Variants in MOB4 observed in about 807,000 individuals in gnomAD.
MOB4 encodes the protein MOB family member 4, phocein, also known as MOB-like protein phocein.
A neutral mutation model predicts 32.2 loss-of-function variants in MOB4; 4 were observed. The observed-to-expected ratio is 0.12, with a 90% CI of 0.06 to 0.28. MOB4 has a LOEUF of 0.28. Ranked by LOEUF, MOB4 falls within the 10% of genes least tolerant of loss-of-function variation. MOB4 has a pLI of 1.00. For synonymous variants in MOB4, 88 were observed against 88.1 expected, an observed-to-expected ratio of 1.00 and a Z score of 0.01; for missense variants, 158 against 271.2, an observed-to-expected ratio of 0.58 and a Z score of 2.93.
intron 5 of MOB4, among the ~76,000 whole-genome samples, chr2:197,544,149 T>C (rs1280514208): frequency 3.9e-5 from 6 of 152,168 alleles, no homozygotes; most frequent in Admixed American, 3.3e-4. Flanking sequence ...CTTGCCTCAC[T>C]GTAGCCCCCA....
chr2:197,515,861 G>A, upstream of MOB4: 1 of 541,748 alleles, frequency 1.8e-6, no homozygotes, highest in East Asian at 3.5e-5. Flanking sequence ...GCCTTCCGGT[G>A]CCTCAGTCCC....
At chr2:197,545,145 A>G (rs1391070598) in intron 5 of MOB4, among the ~76,000 whole-genome samples, 1 of 152,232 alleles carries the variant, frequency 6.6e-6, no homozygotes, top group Admixed American at 6.5e-5. Context: ...AATGGAAACA[A>G]CCAAATATCC....
At chr2:197,535,736 G>A in intron 3 of MOB4, 106 bp downstream of exon 3, 2 of 1,304,750 alleles carry the variant, frequency 1.5e-6, no homozygotes, top group South Asian at 2.8e-5. Context: ...AGACTAAGAA[G>A]CCAAATTTTA....
intron 1 of MOB4, 103 bp from the exon 2 acceptor site, chr2:197,523,521 G>GT (rs2086558226): frequency 8.4e-7 from 1 of 1,190,970 alleles, no homozygotes; most frequent in African/African-American, 1.6e-5. Flanking sequence ...CATTGCAAAA[G>GT]TTTTTTCTTC....
At chr2:197,541,387 G>A (rs2086892654) in intron 5 of MOB4, among the ~76,000 whole-genome samples, 2 of 152,110 alleles carry the variant, frequency 1.3e-5, no homozygotes, top group African/African-American at 4.8e-5. Flanking sequence ...GGGATATTGG[G>A]TTAGGCCAAT....
intron 2 of MOB4, among the ~76,000 whole-genome samples, chr2:197,530,295 G>T (rs1282293233): frequency 6.6e-6 from 1 of 150,468 alleles, no homozygotes; most frequent in Non-Finnish European, 1.5e-5. Flanking sequence ...TTGAGACAGG[G>T]TCTCACTCTG....
At chr2:197,540,468 A>C in intron 5 of MOB4, 31 bp downstream of exon 5, 1 of 1,533,646 alleles carries the variant, frequency 6.5e-7, no homozygotes, top group Non-Finnish European at 8.7e-7. Context: ...GTAACTAATA[A>C]AATTATTATA....
chr2:197,543,144 T>C (rs78573318), intron 5 of MOB4, among the ~76,000 whole-genome samples: 1 of 151,970 alleles, frequency 6.6e-6, no homozygotes, highest in Non-Finnish European at 1.5e-5. Flanking sequence ...ATACAAAAAA[T>C]TAGCTGAGTG....
rs1477036418 is a variant in MOB4, at chr2:197,551,246, A to G, written c.*600A>G. ...TACTGTGCTACATAAAGTATAACAT[A>G]CTTGGAAAGGATTTACCGTTCTGCA... On this transcript the variant is annotated 3_prime_UTR_variant, in exon 8 of 8. Transcript: ENST00000323303. The G allele has an allele frequency of 6.6e-6, 1 of 152,482 alleles. No individual in the cohort carries two copies. The highest frequency in any genetic ancestry group is 2.4e-5 in the African/African-American group (1 of 41,462). 9.4% of individuals were successfully genotyped at this position (152,482 alleles called of 1,614,324 possible).
chr2:197,528,616 C>CTTT (rs60927398), intron 2 of MOB4, among the ~76,000 whole-genome samples: 2 of 131,688 alleles, frequency 1.5e-5, no homozygotes, highest in African/African-American at 2.7e-5. Flanking sequence ...TTTTCTTTTT[C>CTTT]TTTTTTTTTT....
chr2:197,535,670 A>C (rs1574641866), intron 3 of MOB4, 40 bp downstream of exon 3: 1 of 1,570,600 alleles, frequency 6.4e-7, no homozygotes. Flanking sequence ...ACCTCTCACA[A>C]AACTAGCTTT....
intron 3 of MOB4, among the ~76,000 whole-genome samples, chr2:197,537,939 C>G (rs1240738248): frequency 6.6e-6 from 1 of 152,016 alleles, no homozygotes; most frequent in African/African-American, 2.4e-5. Flanking sequence ...GCCACCATGC[C>G]CAGCTAATTT....
At chr2:197,522,211 G>A (rs1276567466) in intron 1 of MOB4, among the ~76,000 whole-genome samples, 1 of 146,770 alleles carries the variant, frequency 6.8e-6, no homozygotes, top group Non-Finnish European at 1.5e-5. Context: ...GATTCTTTTA[G>A]TTTTTTTTAA....
intron 1 of MOB4, among the ~76,000 whole-genome samples, chr2:197,517,042 GAAACA>G (rs1300949872): frequency 6.6e-6 from 1 of 152,202 alleles, no homozygotes; most frequent in Non-Finnish European, 1.5e-5. Flanking sequence ...AATGAAAATT[GAAACA>G]AAACAATCGT....
intron 3 of MOB4, among the ~76,000 whole-genome samples, chr2:197,538,136 G>C (rs912070250): frequency 1.3e-5 from 2 of 149,528 alleles, no homozygotes; most frequent in Admixed American, 6.6e-5. Context: ...GTGTTACAAG[G>C]GTTTTTTTTT....
rs1423830194 is a variant in MOB4, at chr2:197,540,419, T to A, written c.336T>A (p.Ala112=). 1.9e-6 allele frequency: 3 copies of A among 1,588,426 alleles called. No homozygotes were observed. Among genetic ancestry groups the A allele is most frequent in the Non-Finnish European group, 1.7e-6 (2 of 1,171,380 alleles). ...ATEQWIFLCA[A]HKTPKECPAI... is the part of the protein sequence containing the mutation. ...AACAATGGATTTTTCTTTGTGCAGC[T>A]CATAAAACTCCAAAAGAGGTGAGGA... The change falls in exon 5 of 8, where the codon GCT becomes GCA. Residue 112 remains alanine, a synonymous_variant. Coordinates refer to ENST00000323303, the MANE Select transcript of MOB4 (RefSeq NM_015387.5).
At chr2:197,547,229 G>A (rs1274394486) in intron 5 of MOB4, among the ~76,000 whole-genome samples, 1 of 152,126 alleles carries the variant, frequency 6.6e-6, no homozygotes, top group Non-Finnish European at 1.5e-5. Context: ...GCCGTTGCTG[G>A]GAAAATCTGA....
At chr2:197,530,968 TTCAC>T (rs2086691245) in intron 2 of MOB4, among the ~76,000 whole-genome samples, 1 of 152,140 alleles carries the variant, frequency 6.6e-6, no homozygotes, top group Non-Finnish European at 1.5e-5. Context: ...TTGTTTGATG[TTCAC>T]TCAGCTTTTT....
intron 2 of MOB4, among the ~76,000 whole-genome samples, chr2:197,535,239 A>AAAAAAAAG (rs1559319919): frequency 6.7e-6 from 1 of 148,284 alleles, no homozygotes; most frequent in African/African-American, 2.5e-5. Flanking sequence ...AAAAAAAAAA[A>AAAAAAAAG]AAAGAAATTA....
Sources: gnomAD v4.1 joint callset for allele counts (sites outside exome capture counted in the v4.1 genomes callset) on GRCh38, gnomAD v4.1.1 for gene constraint, MANE v1.5 for transcripts, NCBI Gene and HGNC (gene_info 2026-07-23, HGNC 2026-07-21) for gene names.